ITSN1: variants seen among roughly 807,000 people sequenced by gnomAD.
ITSN1 encodes the protein intersectin-1.
Under a neutral mutation model 239.8 loss-of-function variants are expected in ITSN1, and 58 were observed. The observed-to-expected ratio is 0.24, with a 90% CI of 0.20 to 0.30. The LOEUF (loss-of-function observed/expected upper bound fraction) is 0.30, where lower values mean the gene tolerates loss of function less well. Among genes scored for constraint, ITSN1 ranks in the 10% least tolerant of loss-of-function variants. The probability of loss-of-function intolerance (pLI) is 1.00; values close to 1 mark genes in which losing one functional copy is unlikely to be tolerated. For missense variants in ITSN1, 1,558 were observed against 2,103.3 expected, an observed-to-expected ratio of 0.74 and a Z score of 5.07; for synonymous variants, 780 against 770.8, an observed-to-expected ratio of 1.01 and a Z score of -0.20.
In ITSN1 at chr21:33,811,157, C is replaced by T. The variant is rs2072881720; in HGVS notation, c.2502C>T (p.Ala834=). The change falls in exon 21 of 40, where the codon GCC becomes GCT. Residue 834 remains alanine, a synonymous_variant. Coordinates refer to ENST00000381318, the MANE Select transcript of ITSN1 (RefSeq NM_003024.3). ...AACTGGCCTTGCGTGAGACCCCCGCCCCTTTGGCAGTAACCTCTTCAGAGC... is the reference window on the plus strand; with the variant it reads ...AACTGGCCTTGCGTGAGACCCCCGCTCCTTTGGCAGTAACCTCTTCAGAGC... The part of the protein sequence containing the change: ...APKLALRETP[A]PLAVTSSEPS... 1 of 1,613,440 alleles carries T rather than the reference C, an allele frequency of 6.2e-7. No individual in the cohort carries two copies. The highest frequency in any genetic ancestry group is 8.5e-7 in the Non-Finnish European group (1 of 1,179,836).
chr21:33,781,191 C>A (rs1015429068), intron 14 of ITSN1, among the ~76,000 whole-genome samples: 7 of 152,108 alleles, frequency 4.6e-5, no homozygotes, highest in African/African-American at 1.7e-4. Context: ...ACTTAATGTA[C>A]ATTTTTTGAA....
At chr21:33,869,873 A>G (rs1471210579) in intron 33 of ITSN1, among the ~76,000 whole-genome samples, 1 of 152,170 alleles carries the variant, frequency 6.6e-6, no homozygotes. Context: ...ATGCCAATGT[A>G]TATACACATA....
intron 20 of ITSN1, among the ~76,000 whole-genome samples, chr21:33,803,379 G>C (rs1213269184): frequency 2.6e-5 from 4 of 152,128 alleles, no homozygotes; most frequent in African/African-American, 9.7e-5. Context: ...TGTGTACATG[G>C]ATGTTCACTG....
intron 29 of ITSN1, among the ~76,000 whole-genome samples, chr21:33,855,121 C>T (rs1979072845): frequency 6.6e-6 from 1 of 152,222 alleles, no homozygotes; most frequent in African/African-American, 2.4e-5. Flanking sequence ...AGCATATAGG[C>T]TAGATCAGTC....
intron 33 of ITSN1, among the ~76,000 whole-genome samples, chr21:33,869,335 G>A (rs1179310082): frequency 6.6e-6 from 1 of 152,224 alleles, no homozygotes; most frequent in African/African-American, 2.4e-5. Context: ...GGAGCCCAGC[G>A]AAGGGGGAAA....
rs1032383933 is a variant in ITSN1 at position 33,899,815 on chromosome 21, G to T, written c.*11515G>T. On this transcript the variant is annotated 3_prime_UTR_variant, in exon 40 of 40. Coordinates refer to ENST00000381318, the MANE Select transcript of ITSN1 (RefSeq NM_003024.3). Reference sequence around the variant, plus strand: ...AACAACTCTTTGGTCATTTTGACCTGTGTGGTTTAAATTCAAATAGTTCAT... The same window carrying T: ...AACAACTCTTTGGTCATTTTGACCTTTGTGGTTTAAATTCAAATAGTTCAT... The T allele has an allele frequency of 6.6e-6, 1 of 152,176 alleles. No individual in the cohort carries two copies. The highest frequency in any genetic ancestry group is 1.5e-5 in the Non-Finnish European group (1 of 68,026). The allele number at this position is 152,176 out of a possible 1,614,324, so 9.4% of individuals were successfully genotyped here. A position where few individuals can be genotyped will look rare whatever the true frequency, so the allele number is the denominator to read the frequency against.
At chr21:33,796,797 A>G (rs1459952386) in intron 17 of ITSN1, among the ~76,000 whole-genome samples, 2 of 152,240 alleles carry the variant, frequency 1.3e-5, no homozygotes, top group African/African-American at 4.8e-5. Flanking sequence ...CTGACTTTAT[A>G]AAGTATTATG....
chr21:33,800,464 T>A (rs2071902720), intron 19 of ITSN1, among the ~76,000 whole-genome samples: 1 of 152,138 alleles, frequency 6.6e-6, no homozygotes, highest in South Asian at 2.1e-4. Flanking sequence ...ATAATTGCAA[T>A]AACTTTTGTA....
intron 4 of ITSN1, among the ~76,000 whole-genome samples, chr21:33,729,203 C>T (rs1305420463): frequency 6.6e-6 from 1 of 152,126 alleles, no homozygotes; most frequent in Non-Finnish European, 1.5e-5. Context: ...GTAATCTCAG[C>T]ACTTTGGGAG....
chr21:33,875,800 C>T (rs1313934074), intron 34 of ITSN1, among the ~76,000 whole-genome samples: 1 of 152,192 alleles, frequency 6.6e-6, no homozygotes, highest in Admixed American at 6.5e-5. Context: ...CCTGCCTCAG[C>T]CTCCTGAATA....
intron 29 of ITSN1, among the ~76,000 whole-genome samples, chr21:33,851,327 G>A (rs73201765): frequency 2.6e-5 from 4 of 152,282 alleles, no homozygotes; most frequent in South Asian, 2.1e-4. Flanking sequence ...CCCTTAGCAC[G>A]AGGAGTTGCT....
intron 19 of ITSN1, 84 bp downstream of exon 19, chr21:33,800,013 G>T: frequency 1.4e-6 from 2 of 1,381,912 alleles, no homozygotes; most frequent in Non-Finnish European, 2.0e-6. Context: ...ACAATTGTGA[G>T]ATTGTCAGTG....
chr21:33,830,448 C>G (rs764418915), intron 27 of ITSN1, among the ~76,000 whole-genome samples: 10 of 152,116 alleles, frequency 6.6e-5, no homozygotes. Context: ...GGAACTAGGA[C>G]AAGACCTGAA....
rs2067837961 is a variant in ITSN1, at chr21:33,755,414, A to C, written c.724+17A>C. ...ACTTAACAGGTATTTACAAATAAAA[A>C]TTAGTGAAATATGATCTTTGTTTTC... On this transcript the variant is annotated intron_variant, in intron 8 of 39. Coordinates refer to ENST00000381318, the MANE Select transcript of ITSN1 (RefSeq NM_003024.3). 1 of 1,318,096 alleles carries C rather than the reference A, an allele frequency of 7.6e-7. No individual in the cohort carries two copies. The highest frequency in any genetic ancestry group is 1.5e-5 in the African/African-American group (1 of 68,290). 81.7% of individuals were successfully genotyped at this position (1,318,096 alleles called of 1,614,324 possible).
chr21:33,680,393 G>T (rs1167345368), intron 1 of ITSN1, among the ~76,000 whole-genome samples: 1 of 150,132 alleles, frequency 6.7e-6, no homozygotes, highest in Non-Finnish European at 1.5e-5. Flanking sequence ...ATGCAATGGC[G>T]CAATCTCGGC....
chr21:33,757,419 T>C (rs544223773), intron 8 of ITSN1, among the ~76,000 whole-genome samples: 8 of 152,350 alleles, frequency 5.3e-5, no homozygotes, highest in Admixed American at 1.3e-4. Flanking sequence ...TGCATACTTA[T>C]TGCTACTTTG....
At chr21:33,833,391 T>TAGA (rs2148386123) in intron 27 of ITSN1, among the ~76,000 whole-genome samples, 1 of 152,346 alleles carries the variant, frequency 6.6e-6, no homozygotes, top group South Asian at 2.1e-4. Flanking sequence ...TATGTCATCT[T>TAGA]GCATCTAAGG....
At chr21:33,695,780 T>TTGG (rs1418767151) in intron 1 of ITSN1, among the ~76,000 whole-genome samples, 2 of 152,336 alleles carry the variant, frequency 1.3e-5, no homozygotes, top group Admixed American at 6.5e-5. Context: ...CGTTCTTTTC[T>TTGG]GTACTTTAAT....
At position 33,856,672 on chromosome 21, in the gene ITSN1, C is replaced by T. The variant is rs1056530852; in HGVS notation, c.3662-64C>T. The T allele has an allele frequency of 1.5e-5, 24 of 1,606,820 alleles. 1 individual carries two copies. Among genetic ancestry groups the T allele is most frequent in the South Asian group, 1.0e-4 (9 of 89,930 alleles). On this transcript the variant is annotated intron_variant, in intron 29 of 39. Coordinates refer to ENST00000381318, the MANE Select transcript of ITSN1 (RefSeq NM_003024.3). Reference sequence around the variant, plus strand: ...GGACCCAGCAGCCACGAGGATCTTCCGTGTGAAGTTGTGTGGGCTTCCCCA... The same window carrying T: ...GGACCCAGCAGCCACGAGGATCTTCTGTGTGAAGTTGTGTGGGCTTCCCCA...
Sources: allele counts gnomAD v4.1 joint callset (sites outside exome capture counted in the v4.1 genomes callset), GRCh38; gene constraint gnomAD v4.1.1; transcripts MANE v1.5; gene names NCBI Gene and HGNC (gene_info 2026-07-23, HGNC 2026-07-21).